The following GALNT14 variants were observed in gnomAD, a reference collection of about 807,000 sequenced individuals.
The protein encoded by GALNT14 is polypeptide N-acetylgalactosaminyltransferase 14, also known as UDP-GalNAc:polypeptide N-acetylgalactosaminyltransferase 14.
A neutral mutation model predicts 77.5 loss-of-function variants in GALNT14; 60 were observed. The ratio of observed to expected loss-of-function variants is 0.77; its 90% CI spans 0.63 to 0.96. The LOEUF (loss-of-function observed/expected upper bound fraction) is 0.96. Ranked by LOEUF, GALNT14 falls within the 40% of genes least tolerant of loss-of-function variation. The pLI, the probability that GALNT14 is intolerant of heterozygous loss-of-function variation, is 0.00. For synonymous variants in GALNT14, 280 were observed against 281.7 expected (o/e 0.99, Z 0.06); for missense variants, 710 against 731.0 (o/e 0.97, Z 0.33).
At chr2:30,927,477 G>A (rs960704536) in intron 11 of GALNT14, among the ~76,000 whole-genome samples, 6 of 152,258 alleles carry the variant, frequency 3.9e-5, no homozygotes, top group Admixed American at 1.3e-4. Context: ...GAGGCAAGAG[G>A]AGATGAATCC....
intron 1 of GALNT14, among the ~76,000 whole-genome samples, chr2:31,045,904 T>C (rs1218266168): frequency 6.6e-6 from 1 of 152,190 alleles, no homozygotes; most frequent in East Asian, 1.9e-4. Context: ...CCTACTCTTT[T>C]TCACCTGTAT....
chr2:31,064,740 C>A (rs1674828436), intron 1 of GALNT14, among the ~76,000 whole-genome samples: 1 of 151,940 alleles, frequency 6.6e-6, no homozygotes, highest in Non-Finnish European at 1.5e-5. Context: ...AACACCACTA[C>A]CTGACATTGC....
At chr2:31,102,141 A>C (rs1245249177) in intron 1 of GALNT14, among the ~76,000 whole-genome samples, 1 of 151,266 alleles carries the variant, frequency 6.6e-6, no homozygotes, top group Non-Finnish European at 1.5e-5. Context: ...TTTGAAATTT[A>C]TTTTAACTGC....
intron 1 of GALNT14, among the ~76,000 whole-genome samples, chr2:31,039,839 A>G (rs919684177): frequency 6.6e-6 from 1 of 152,248 alleles, no homozygotes; most frequent in African/African-American, 2.4e-5. Flanking sequence ...AGGATTTTGT[A>G]GAAGACTTTA....
chr2:31,067,712 C>G (rs1675072578), intron 1 of GALNT14, among the ~76,000 whole-genome samples: 1 of 152,146 alleles, frequency 6.6e-6, no homozygotes, highest in Non-Finnish European at 1.5e-5. Flanking sequence ...TCTGTCACTT[C>G]CATACAGCGC....
At chr2:31,132,269 GGGAT>G (rs1679032389) in intron 1 of GALNT14, among the ~76,000 whole-genome samples, 1 of 152,190 alleles carries the variant, frequency 6.6e-6, no homozygotes, top group Non-Finnish European at 1.5e-5. Context: ...CCATACCCAT[GGGAT>G]AGAGGCTCAG....
chr2:31,021,350 G>A (rs1340399798), intron 1 of GALNT14, among the ~76,000 whole-genome samples: 1 of 151,690 alleles, frequency 6.6e-6, no homozygotes, highest in African/African-American at 2.4e-5. Context: ...TTTCACCCAG[G>A]CTGGAGTGCA....
intron 1 of GALNT14, among the ~76,000 whole-genome samples, chr2:31,004,119 C>T (rs769423618): frequency 5.3e-5 from 8 of 152,220 alleles, no homozygotes; most frequent in Middle Eastern, 3.2e-3. Flanking sequence ...CCTACCCACA[C>T]GCTTTATTTC....
chr2:30,987,123 CA>C (rs1156399984), intron 2 of GALNT14: 2 of 152,186 alleles, frequency 1.3e-5, no homozygotes, highest in Non-Finnish European at 1.5e-5. Context: ...GAAAGCCACT[CA>C]GGGGTACCTT....
At chr2:30,894,413 G>C in the GALNT14 span, among the ~76,000 whole-genome samples, 1 of 152,210 alleles carries the variant, frequency 6.6e-6, no homozygotes, top group Non-Finnish European at 1.5e-5. Context: ...GAGATCCTCT[G>C]TTCAAAGTTC....
At chr2:30,983,813 G>A (rs368396867) in intron 2 of GALNT14, among the ~76,000 whole-genome samples, 1 of 54,936 alleles carries the variant, frequency 1.8e-5, no homozygotes, top group South Asian at 7.3e-4. Context: ...ACACACGTAT[G>A]CACACACACA....
intron 1 of GALNT14, among the ~76,000 whole-genome samples, chr2:31,074,340 G>T (rs1453097869): frequency 6.6e-6 from 1 of 152,142 alleles, no homozygotes; most frequent in Admixed American, 6.5e-5. Context: ...TGCTGTGAGT[G>T]CCAGTGACAG....
At chr2:30,922,940 T>A (rs769667827) in intron 13 of GALNT14, among the ~76,000 whole-genome samples, 8 of 151,962 alleles carry the variant, frequency 5.3e-5, no homozygotes, top group Non-Finnish European at 1.2e-4. Flanking sequence ...TGAAAAAATC[T>A]CCAAGAAATC....
intron 1 of GALNT14, among the ~76,000 whole-genome samples, chr2:31,031,979 G>A (rs566885100): frequency 1.6e-4 from 24 of 152,272 alleles, no homozygotes; most frequent in South Asian, 4.1e-4. Context: ...AACTTCTCGC[G>A]GCTGCCACAG....
chr2:31,003,769 T>C (rs1211823327), intron 1 of GALNT14, among the ~76,000 whole-genome samples: 1 of 152,240 alleles, frequency 6.6e-6, no homozygotes, highest in Non-Finnish European at 1.5e-5. Flanking sequence ...ATTAACTGAA[T>C]GGACAGAAGC....
At chr2:31,028,602 C>T (rs747886251) in intron 1 of GALNT14, among the ~76,000 whole-genome samples, 8 of 152,244 alleles carry the variant, frequency 5.3e-5, no homozygotes, top group African/African-American at 1.9e-4. Flanking sequence ...GCTTTATTAT[C>T]AATATGCAAA....
intron 1 of GALNT14, among the ~76,000 whole-genome samples, chr2:31,121,732 C>A (rs1387578658): frequency 6.6e-6 from 1 of 152,102 alleles, no homozygotes; most frequent in Non-Finnish European, 1.5e-5. Flanking sequence ...CTCCTAGATT[C>A]AGTACTGTCC....
At position 31,138,234 on chromosome 2, in the gene GALNT14, A is replaced by G; in HGVS notation, c.-148T>C. ...GGTTGGAGGGGCGGCAGGATCCTGC[A>G]AGGCGCCCTTCCCGCTTCGAAGAGA... On this transcript the variant is annotated 5_prime_UTR_variant, in exon 1 of 15. Transcript: ENST00000349752. The G allele has an allele frequency of 1.0e-6, 1 of 961,836 alleles. No homozygotes were observed. Among genetic ancestry groups the G allele is most frequent in the Middle Eastern group, 2.9e-4 (1 of 3,506 alleles). 59.6% of individuals were successfully genotyped at this position (961,836 alleles called of 1,614,324 possible). A position where few individuals can be genotyped will look rare whatever the true frequency, so the allele number is the denominator to read the frequency against.
chr2:30,979,022 T>C (rs1264061790), intron 2 of GALNT14, among the ~76,000 whole-genome samples: 3 of 152,198 alleles, frequency 2.0e-5, no homozygotes, highest in African/African-American at 7.2e-5. Context: ...TGATGAGGCC[T>C]GAATCCTCAC....
Sources: gnomAD v4.1 joint callset for allele counts (sites outside exome capture counted in the v4.1 genomes callset) on GRCh38, gnomAD v4.1.1 for gene constraint, MANE v1.5 for transcripts, NCBI Gene and HGNC (gene_info 2026-07-23, HGNC 2026-07-21) for gene names.